MYO5A: variants seen among roughly 807,000 people sequenced by gnomAD.
MYO5A encodes the protein unconventional myosin-Va.
In MYO5A, 98 loss-of-function variants were observed where a neutral mutation model predicts 249.7. That is an observed-to-expected ratio of 0.39 (90% CI 0.33 to 0.46). MYO5A has a LOEUF of 0.46. Among genes scored for constraint, MYO5A ranks in the 20% least tolerant of loss-of-function variants. MYO5A has a pLI of 0.98. For synonymous variants in MYO5A, 778 were observed against 810.6 expected (o/e 0.96, Z 0.68); for missense variants, 1,696 against 2,308.8 (o/e 0.73, Z 5.44).
intron 1 of MYO5A, among the ~76,000 whole-genome samples, chr15:52,519,333 C>T (rs1250422206): frequency 1.3e-5 from 2 of 152,082 alleles, no homozygotes; most frequent in Non-Finnish European, 2.9e-5. Context: ...TGAATAATGG[C>T]CGGGCATGGT....
At chr15:52,344,058 A>T (rs1367537915) in intron 30 of MYO5A, among the ~76,000 whole-genome samples, 1 of 152,214 alleles carries the variant, frequency 6.6e-6, no homozygotes, top group Non-Finnish European at 1.5e-5. Flanking sequence ...ACAGCTGGTA[A>T]GTAGTGGATC....
chr15:52,528,713 C>T (rs994569202), intron 1 of MYO5A, 67 bp downstream of exon 1: 1 of 1,475,038 alleles, frequency 6.8e-7, no homozygotes. Flanking sequence ...GCCCCCTCCC[C>T]AGCCTGACAG....
rs1385707177 is a variant in MYO5A at position 52,444,221 on chromosome 15, A to G, written c.28-10936T>C. Among the ~76,000 whole-genome samples the G allele has an allele frequency of 1.9e-4, 29 of 152,244 alleles. 1 individual carries two copies. ...TCGTGTAAAGATTATTTTCAGAACT[A>G]GATCTCACTTCTTAAGAACAGTGTT... is the stretch of plus-strand genomic sequence containing the variant. On this transcript the variant is annotated intron_variant, in intron 1 of 41. Coordinates refer to ENST00000399233, the MANE Select transcript of MYO5A (RefSeq NM_001382347.1).
chr15:52,454,035 G>T (rs1224147093), intron 1 of MYO5A, among the ~76,000 whole-genome samples: 1 of 151,960 alleles, frequency 6.6e-6, no homozygotes, highest in Non-Finnish European at 1.5e-5. Context: ...GAATGCAAAT[G>T]GATAAAATTC....
chr15:52,524,553 CTAAA>C (rs55753650), intron 1 of MYO5A, among the ~76,000 whole-genome samples: 3,875 of 140,916 alleles, frequency 0.027, 136 homozygotes, highest in African/African-American at 0.081. Context: ...GACCCTGAAC[CTAAA>C]TAAATAAATA....
intron 1 of MYO5A, among the ~76,000 whole-genome samples, chr15:52,448,953 CTTTCTTTTT>C (rs1406276053): frequency 3.2e-5 from 2 of 61,884 alleles, no homozygotes; most frequent in East Asian, 4.5e-4. Flanking sequence ...CTTTTCTTGT[CTTTCTTTTT>C]TTTTTTTTTT....
At chr15:52,432,287 A>G (rs2075558243) in intron 2 of MYO5A, among the ~76,000 whole-genome samples, 1 of 152,246 alleles carries the variant, frequency 6.6e-6, no homozygotes, top group Non-Finnish European at 1.5e-5. Flanking sequence ...TTAGCAGGAA[A>G]AGTTTAAGGA....
At chr15:52,450,626 C>T (rs998853568) in intron 1 of MYO5A, among the ~76,000 whole-genome samples, 3 of 151,138 alleles carry the variant, frequency 2.0e-5, no homozygotes, top group African/African-American at 7.3e-5. Context: ...CAAGATGGTG[C>T]CACTGTACTC....
chr15:52,425,294 T>C (rs929355543), intron 4 of MYO5A, among the ~76,000 whole-genome samples: 7 of 152,204 alleles, frequency 4.6e-5, no homozygotes, highest in African/African-American at 1.7e-4. Flanking sequence ...AGGATCATGA[T>C]GAAATTTCAA....
intron 1 of MYO5A, among the ~76,000 whole-genome samples, chr15:52,473,818 G>A (rs965320658): frequency 5.3e-5 from 8 of 152,186 alleles, no homozygotes; most frequent in African/African-American, 1.9e-4. Context: ...TTTGAAGTCA[G>A]GTAGTGTGAT....
intron 1 of MYO5A, among the ~76,000 whole-genome samples, chr15:52,494,288 A>G (rs1298817088): frequency 2.0e-5 from 3 of 152,220 alleles, no homozygotes; most frequent in Admixed American, 6.5e-5. Flanking sequence ...CAAAAATATA[A>G]GATGAAATTT....
At chr15:52,510,491 G>C (rs2077367303) in intron 1 of MYO5A, among the ~76,000 whole-genome samples, 2 of 152,206 alleles carry the variant, frequency 1.3e-5, no homozygotes, top group Admixed American at 6.5e-5. Flanking sequence ...ACCAGTACCA[G>C]TCCCTGGCCT....
rs1472628623 is a variant in MYO5A, at chr15:52,353,945, G to C, written c.3493C>G (p.Leu1165Val). Residue 1165 changes from leucine to valine, a missense_variant, in exon 26 of 42, where the codon CTG (leucine) becomes GTG (valine). By Grantham distance (32) the Leu-to-Val change is conservative (BLOSUM62 1). Transcript: ENST00000399233. ...TGCATCACCTGCTTCTCCTGCTCCA[G>C]CTCTGTGACCCGCTTCTGGAGCTTA... ...FLKLQKRVTE[L>V]EQEKQVMQDE... 1 of 1,614,226 alleles carries C rather than the reference G, an allele frequency of 6.2e-7. No homozygotes were observed. The highest frequency in any genetic ancestry group is 8.5e-7 in the Non-Finnish European group (1 of 1,180,040).
At chr15:52,467,338 CAAACAG>C (rs2076373268) in intron 1 of MYO5A, among the ~76,000 whole-genome samples, 1 of 152,056 alleles carries the variant, frequency 6.6e-6, no homozygotes, top group Admixed American at 6.5e-5. Context: ...ATTTCAAAAA[CAAACAG>C]AAATTCTGGG....
intron 1 of MYO5A, among the ~76,000 whole-genome samples, chr15:52,527,111 T>C (rs1317326235): frequency 6.6e-6 from 1 of 152,228 alleles, no homozygotes; most frequent in Non-Finnish European, 1.5e-5. Context: ...TGGGCCCACA[T>C]GCGGCCCATG....
chr15:52,391,418 C>T (rs112773188), intron 12 of MYO5A, among the ~76,000 whole-genome samples: 24 of 152,208 alleles, frequency 1.6e-4, no homozygotes, highest in Admixed American at 9.8e-4. Flanking sequence ...AGAAATAAAG[C>T]GAAAGAATAG....
At chr15:52,346,638 T>C in intron 29 of MYO5A, 177 bp from the exon 30 acceptor site, 2 of 685,348 alleles carry the variant, frequency 2.9e-6, no homozygotes, top group Non-Finnish European at 5.4e-6. Flanking sequence ...CCCAGGTAGT[T>C]GAGAAGAGGT....
intron 23 of MYO5A, among the ~76,000 whole-genome samples, chr15:52,365,544 AT>A (rs1467038734): frequency 1.3e-5 from 2 of 152,144 alleles, no homozygotes; most frequent in African/African-American, 4.8e-5. Context: ...TTACCCATAT[AT>A]TTTGAGGCTA....
Position 52,467,007 on chromosome 15 carries a change from T to C in MYO5A, c.28-33722A>G, listed in dbSNP as rs966903725. The stretch of plus-strand genomic sequence containing the variant: ...AGCTACCGCATTAAGGCTATGTATA[T>C]CCAAGGAAATCATACAAAGTCTTTG... On this transcript the variant is annotated intron_variant, in intron 1 of 41. Coordinates refer to ENST00000399233, the MANE Select transcript of MYO5A (RefSeq NM_001382347.1). Among the ~76,000 whole-genome samples, 9 of 152,322 alleles carry C rather than the reference T, an allele frequency of 5.9e-5. No individual in the cohort carries two copies. In the East Asian group the frequency reaches 1.7e-3, roughly 29 times the overall value.
Sources: allele counts gnomAD v4.1 joint callset (sites outside exome capture counted in the v4.1 genomes callset), GRCh38; gene constraint gnomAD v4.1.1; transcripts MANE v1.5; gene names NCBI Gene and HGNC (gene_info 2026-07-23, HGNC 2026-07-21).